AGBL4: variants seen among roughly 807,000 people sequenced by gnomAD.
AGBL4 encodes the protein cytosolic carboxypeptidase 6.
A neutral mutation model predicts 66.4 loss-of-function variants in AGBL4; 58 were observed. The ratio of observed to expected loss-of-function variants is 0.87; its 90% CI spans 0.71 to 1.09. The LOEUF is 1.09. AGBL4 is among the 50% of genes least tolerant of loss of function. AGBL4 has a pLI of 0.00. For synonymous variants in AGBL4, 234 were observed against 222.9 expected (o/e 1.05, Z -0.44); for missense variants, 579 against 631.0 (o/e 0.92, Z 0.88).
intron 3 of AGBL4, among the ~76,000 whole-genome samples, chr1:49,451,024 G>A (rs1367152587): frequency 6.6e-6 from 1 of 151,998 alleles, no homozygotes; most frequent in Admixed American, 6.6e-5. Context: ...CAGCTGGGCT[G>A]GAGGCTCTAG....
intron 1 of AGBL4, among the ~76,000 whole-genome samples, chr1:49,920,138 A>T (rs1343060710): frequency 6.6e-6 from 1 of 152,242 alleles, no homozygotes; most frequent in Non-Finnish European, 1.5e-5. Flanking sequence ...TAAAAACCCT[A>T]GAAGAAGACC....
At chr1:48,637,308 A>G (rs1035210620) in intron 8 of AGBL4, among the ~76,000 whole-genome samples, 6 of 152,114 alleles carry the variant, frequency 3.9e-5, no homozygotes, top group Non-Finnish European at 8.8e-5. Flanking sequence ...TCAGTCTGGG[A>G]ATTAGGCAGA....
At chr1:49,767,674 T>C (rs1643926354) in intron 2 of AGBL4, among the ~76,000 whole-genome samples, 1 of 152,002 alleles carries the variant, frequency 6.6e-6, no homozygotes, top group Non-Finnish European at 1.5e-5. Flanking sequence ...AGCTGTTTCT[T>C]TGAAATGATA....
At chr1:49,356,881 C>G (rs1644031394) in intron 3 of AGBL4, among the ~76,000 whole-genome samples, 1 of 152,148 alleles carries the variant, frequency 6.6e-6, no homozygotes, top group Non-Finnish European at 1.5e-5. Context: ...GCTTTAAACT[C>G]AAATCTTAAA....
chr1:48,683,993 C>T (rs1646493374), intron 6 of AGBL4, among the ~76,000 whole-genome samples: 1 of 152,168 alleles, frequency 6.6e-6, no homozygotes, highest in African/African-American at 2.4e-5. Context: ...GGAAAATGTG[C>T]CCAGAGAAAC....
chr1:49,116,326 C>T (rs1029549347), intron 4 of AGBL4, among the ~76,000 whole-genome samples: 1 of 152,154 alleles, frequency 6.6e-6, no homozygotes, highest in Non-Finnish European at 1.5e-5. Flanking sequence ...CCCATCAACT[C>T]GTCATTTACA....
chr1:49,739,164 T>C (rs1352556541), intron 2 of AGBL4, among the ~76,000 whole-genome samples: 1 of 152,088 alleles, frequency 6.6e-6, no homozygotes, highest in African/African-American at 2.4e-5. Context: ...TGAAAAACGA[T>C]GAGAAGAATG....
At chr1:49,117,210 G>T (rs1418515212) in intron 4 of AGBL4, among the ~76,000 whole-genome samples, 1 of 152,138 alleles carries the variant, frequency 6.6e-6, no homozygotes, top group Non-Finnish European at 1.5e-5. Context: ...CTGTGCAGAA[G>T]CTCTTTAGTT....
At chr1:49,843,843 T>C (rs1292533891) in intron 2 of AGBL4, among the ~76,000 whole-genome samples, 1 of 151,924 alleles carries the variant, frequency 6.6e-6, no homozygotes, top group Non-Finnish European at 1.5e-5. Flanking sequence ...TAGGCCACTG[T>C]GGGGTCAGGG....
At chr1:49,957,561 T>C (rs1656725163) in intron 1 of AGBL4, among the ~76,000 whole-genome samples, 1 of 152,016 alleles carries the variant, frequency 6.6e-6, no homozygotes, top group South Asian at 2.1e-4. Context: ...GGTGCATATA[T>C]ATTTAGGATA....
intron 9 of AGBL4, among the ~76,000 whole-genome samples, chr1:48,632,520 A>G (rs1645609437): frequency 1.3e-5 from 2 of 151,916 alleles, no homozygotes; most frequent in Admixed American, 1.3e-4. Context: ...CTCTTTGGGG[A>G]TTTAACTAAA....
chr1:48,717,364 T>G (rs1647069141), intron 6 of AGBL4, among the ~76,000 whole-genome samples: 1 of 152,204 alleles, frequency 6.6e-6, no homozygotes, highest in African/African-American at 2.4e-5. Context: ...CATTTAAAAT[T>G]TTACATACAT....
At position 48,907,146 on chromosome 1, in the gene AGBL4, G is replaced by A. The variant is rs541581250; in HGVS notation, c.595-39916C>T. Among the ~76,000 whole-genome samples the A allele has an allele frequency of 3.9e-5, 6 of 152,134 alleles. No individual in the cohort carries two copies. The South Asian group carries it at 8.3e-4, about 21-fold the overall frequency. Reference sequence around the variant, plus strand: ...GTCTTGGATATGAAAAGCATTTTGCGAGCTTTAAAGCACTGAGTTAGCACC... The same window carrying A: ...GTCTTGGATATGAAAAGCATTTTGCAAGCTTTAAAGCACTGAGTTAGCACC... On this transcript the variant is annotated intron_variant, in intron 5 of 13. Transcript: ENST00000371839.
At chr1:49,670,122 T>C (rs769360683) in intron 3 of AGBL4, among the ~76,000 whole-genome samples, 6 of 152,022 alleles carry the variant, frequency 3.9e-5, no homozygotes, top group Non-Finnish European at 8.8e-5. Flanking sequence ...CCTCTGGAAA[T>C]AAAGCAAAGG....
At chr1:49,580,811 C>T (rs1193650718) in intron 3 of AGBL4, among the ~76,000 whole-genome samples, 3 of 152,114 alleles carry the variant, frequency 2.0e-5, no homozygotes, top group African/African-American at 7.2e-5. Context: ...TTCACTTTGA[C>T]TTTAGAATGT....
chr1:49,413,329 G>A (rs1174790326), intron 3 of AGBL4, among the ~76,000 whole-genome samples: 1 of 152,188 alleles, frequency 6.6e-6, no homozygotes, highest in South Asian at 2.1e-4. Flanking sequence ...AAGCAGGTGT[G>A]ACCTTGACCT....
intron 4 of AGBL4, among the ~76,000 whole-genome samples, chr1:49,064,130 T>G (rs1644450678): frequency 6.6e-6 from 1 of 152,252 alleles, no homozygotes; most frequent in South Asian, 2.1e-4. Flanking sequence ...AAGCTCTTAA[T>G]ATAAACACCA....
intron 3 of AGBL4, among the ~76,000 whole-genome samples, chr1:49,465,551 G>C (rs1482912505): frequency 1.3e-5 from 2 of 151,796 alleles, no homozygotes; most frequent in African/African-American, 4.8e-5. Flanking sequence ...TAGGCACAGA[G>C]ATTGCTCCTT....
At chr1:49,794,224 T>A (rs978793420) in intron 2 of AGBL4, among the ~76,000 whole-genome samples, 1 of 151,760 alleles carries the variant, frequency 6.6e-6, no homozygotes, top group Non-Finnish European at 1.5e-5. Context: ...ATATTGTCAT[T>A]TTTTTTGCCG....
Sources: gnomAD v4.1 joint callset for allele counts (sites outside exome capture counted in the v4.1 genomes callset) on GRCh38, gnomAD v4.1.1 for gene constraint, MANE v1.5 for transcripts, NCBI Gene and HGNC (gene_info 2026-07-23, HGNC 2026-07-21) for gene names.